DAB1: variants seen among roughly 807,000 people sequenced by gnomAD.
The protein encoded by DAB1 is disabled homolog 1.
Under a neutral mutation model 64.6 loss-of-function variants are expected in DAB1, and 15 were observed. The observed-to-expected ratio is 0.23, with a 90% CI of 0.16 to 0.36. The LOEUF (loss-of-function observed/expected upper bound fraction) is 0.36, where lower values mean the gene tolerates loss of function less well. DAB1 is among the 10% of genes least tolerant of loss of function. The probability of loss-of-function intolerance (pLI) is 1.00; values close to 1 mark genes in which losing one functional copy is unlikely to be tolerated. For missense variants in DAB1, 596 were observed against 706.7 expected, an observed-to-expected ratio of 0.84 and a Z score of 1.78; for synonymous variants, 235 against 251.9, an observed-to-expected ratio of 0.93 and a Z score of 0.64.
At chr1:57,998,387 CTCTT>C (rs1646458985) in intron 5 of DAB1, among the ~76,000 whole-genome samples, 2 of 137,868 alleles carry the variant, frequency 1.5e-5, no homozygotes, top group South Asian at 5.2e-4. Flanking sequence ...TTTTTTTTCT[CTCTT>C]TTTTTTTTTT....
intron 4 of DAB1, among the ~76,000 whole-genome samples, chr1:58,327,116 G>A (rs1476988744): frequency 6.6e-6 from 1 of 152,098 alleles, no homozygotes; most frequent in African/African-American, 2.4e-5. Flanking sequence ...AATTCCTATG[G>A]ATAACCTTTT....
At chr1:57,999,196 T>C (rs1427988487) in intron 5 of DAB1, among the ~76,000 whole-genome samples, 1 of 152,188 alleles carries the variant, frequency 6.6e-6, no homozygotes, top group East Asian at 1.9e-4. Context: ...GTATCTTAAA[T>C]ACATCGTTTC....
intron 1 of DAB1, among the ~76,000 whole-genome samples, chr1:57,870,990 A>G (rs1304202032): frequency 3.9e-5 from 6 of 152,162 alleles, no homozygotes; most frequent in Non-Finnish European, 5.9e-5. Context: ...AAAACAGTAA[A>G]CCATTCAATA....
chr1:57,032,750 A>AT (rs911806851), intron 9 of DAB1, among the ~76,000 whole-genome samples: 6 of 152,280 alleles, frequency 3.9e-5, no homozygotes, highest in Middle Eastern at 6.8e-3. Context: ...AAGGTTGAAG[A>AT]TTTTTGTCCT....
At chr1:57,615,808 G>A (rs1277386702) in intron 7 of DAB1, among the ~76,000 whole-genome samples, 1 of 152,176 alleles carries the variant, frequency 6.6e-6, no homozygotes, top group Non-Finnish European at 1.5e-5. Flanking sequence ...AGCATCTTAA[G>A]GGTTTACAGT....
At chr1:57,813,774 C>T (rs1465015424) in intron 6 of DAB1, among the ~76,000 whole-genome samples, 3 of 152,132 alleles carry the variant, frequency 2.0e-5, no homozygotes, top group East Asian at 1.9e-4. Context: ...TCTCCACCCT[C>T]GGTAGAGAAT....
chr1:57,085,791 G>C (rs1413485594), intron 4 of DAB1, among the ~76,000 whole-genome samples: 2 of 152,118 alleles, frequency 1.3e-5, no homozygotes, highest in Admixed American at 6.5e-5. Flanking sequence ...TTGGGGGCGG[G>C]GGGTGGCAGA....
chr1:57,640,560 T>A (rs755052331), intron 7 of DAB1, among the ~76,000 whole-genome samples: 22 of 152,154 alleles, frequency 1.4e-4, no homozygotes, highest in Non-Finnish European at 2.2e-4. Context: ...AAGCAGGGCC[T>A]CTATCCACTT....
At chr1:58,345,522 C>T (rs972512995) in intron 3 of DAB1, among the ~76,000 whole-genome samples, 3 of 152,184 alleles carry the variant, frequency 2.0e-5, no homozygotes, top group Non-Finnish European at 4.4e-5. Flanking sequence ...CTTAACAGAA[C>T]AATGTGTAAC....
At chr1:58,056,727 C>T (rs573575627) in intron 5 of DAB1, among the ~76,000 whole-genome samples, 14 of 152,238 alleles carry the variant, frequency 9.2e-5, no homozygotes, top group East Asian at 3.9e-4. Flanking sequence ...TTTTGTCCTC[C>T]GGTTGAGGTA....
intron 9 of DAB1, among the ~76,000 whole-genome samples, chr1:57,033,925 T>G (rs1647044344): frequency 6.6e-6 from 1 of 152,210 alleles, no homozygotes; most frequent in South Asian, 2.1e-4. Context: ...ATCTTGTGCT[T>G]TAGCCAAACT....
At chr1:57,503,963 T>C (rs1476655638) in intron 7 of DAB1, among the ~76,000 whole-genome samples, 1 of 152,186 alleles carries the variant, frequency 6.6e-6, no homozygotes, top group Non-Finnish European at 1.5e-5. Context: ...CACCGGATTG[T>C]TGCAAGGGTT....
chr1:57,594,223 A>T (rs1045444665), intron 7 of DAB1, among the ~76,000 whole-genome samples: 4 of 152,340 alleles, frequency 2.6e-5, no homozygotes, highest in African/African-American at 9.6e-5. Context: ...GAAAGCTATG[A>T]AAGATTTCCA....
chr1:57,441,054 A>T (rs1329700151), intron 7 of DAB1, among the ~76,000 whole-genome samples: 1 of 152,000 alleles, frequency 6.6e-6, no homozygotes, highest in African/African-American at 2.4e-5. Flanking sequence ...CACAGTGTCT[A>T]TTGTTCCCAT....
At chr1:57,391,766 AACACACACACACACAC>A (rs57332880) in intron 1 of DAB1, among the ~76,000 whole-genome samples, 226 of 94,650 alleles carry the variant, frequency 2.4e-3, no homozygotes, top group Non-Finnish European at 4.2e-3. Flanking sequence ...CAGAGGAATA[AACACACACACACACAC>A]ACACACACAC....
intron 3 of DAB1, among the ~76,000 whole-genome samples, chr1:58,424,064 A>G (rs1171224795): frequency 6.6e-6 from 1 of 152,128 alleles, no homozygotes; most frequent in Non-Finnish European, 1.5e-5. Context: ...CTTGGACCAG[A>G]AGAGGTCTTC....
intron 5 of DAB1, among the ~76,000 whole-genome samples, chr1:57,951,196 TC>T (rs1207315931): frequency 6.7e-6 from 1 of 150,292 alleles, no homozygotes; most frequent in Non-Finnish European, 1.5e-5. Flanking sequence ...TCTGCTCCTT[TC>T]CCCCAAGAGA....
intron 5 of DAB1, among the ~76,000 whole-genome samples, chr1:57,891,933 T>C (rs533436954): frequency 4.9e-4 from 74 of 152,314 alleles, no homozygotes; most frequent in Non-Finnish European, 9.4e-4. Flanking sequence ...CCATGGCACG[T>C]GTATACCTAG....
At chr1:58,025,301 G>T (rs562743236) in intron 5 of DAB1, among the ~76,000 whole-genome samples, 3 of 152,024 alleles carry the variant, frequency 2.0e-5, no homozygotes, top group Non-Finnish European at 4.4e-5. Flanking sequence ...TCAATTCCCA[G>T]CCCTGAGAGA....
Sources: allele counts gnomAD v4.1 joint callset (sites outside exome capture counted in the v4.1 genomes callset), GRCh38; gene constraint gnomAD v4.1.1; transcripts MANE v1.5; gene names NCBI Gene and HGNC (gene_info 2026-07-23, HGNC 2026-07-21).